PTPRN2: variants seen among roughly 807,000 people sequenced by gnomAD.
PTPRN2 encodes protein tyrosine phosphatase receptor type N2, also known as receptor-type tyrosine-protein phosphatase N2.
PTPRN2 carries 74 observed loss-of-function variants against 118.8 expected under a neutral mutation model. That is an observed-to-expected ratio of 0.62 (90% CI 0.52 to 0.76). The LOEUF (loss-of-function observed/expected upper bound fraction) is 0.76. PTPRN2 is among the 30% of genes least tolerant of loss of function. The pLI, the probability that PTPRN2 is intolerant of heterozygous loss-of-function variation, is 0.00. For synonymous variants in PTPRN2, 641 were observed against 608.0 expected, an observed-to-expected ratio of 1.05 and a Z score of -0.80; for missense variants, 1,481 against 1,394.4, an observed-to-expected ratio of 1.06 and a Z score of -0.99.
In PTPRN2 at chr7:157,603,657, C is replaced by T. The variant is rs546101461; in HGVS notation, c.2418+345G>A. On this transcript the variant is annotated intron_variant, in intron 16 of 22. Transcript: ENST00000389418. This position sits in a 1 kb window ranked among gnomAD's most constrained non-coding sequence, Gnocchi z 5.4. ...CATGTCCCCATGCCCCATGAATATA[C>T]AGGGAATGTGTAGCTCCAGGAAAGA... Among the ~76,000 whole-genome samples the T allele has an allele frequency of 6.6e-6, 1 of 152,322 alleles. No individual in the cohort carries two copies. The highest frequency in any genetic ancestry group is 1.9e-4 in the East Asian group (1 of 5,182).
chr7:158,068,794 T>C (rs1810983869), intron 11 of PTPRN2, among the ~76,000 whole-genome samples: 1 of 152,212 alleles, frequency 6.6e-6, no homozygotes, highest in African/African-American at 2.4e-5. Flanking sequence ...GAGGAAATTG[T>C]GTAATTACTT....
intron 21 of PTPRN2, among the ~76,000 whole-genome samples, chr7:157,564,557 A>G (rs192294147): frequency 8.4e-4 from 128 of 152,390 alleles, no homozygotes; most frequent in Non-Finnish European, 1.1e-3. Context: ...AGTATTCAGA[A>G]TATATAAAGA....
chr7:157,870,624 A>G (rs531579816), intron 12 of PTPRN2, among the ~76,000 whole-genome samples: 137 of 152,374 alleles, frequency 9.0e-4, no homozygotes, highest in Non-Finnish European at 1.4e-3. Flanking sequence ...TTTGGTGCAG[A>G]AAGATTTTTG....
At chr7:158,557,675 C>T (rs1563432601) in intron 1 of PTPRN2, among the ~76,000 whole-genome samples, 1 of 152,226 alleles carries the variant, frequency 6.6e-6, no homozygotes, top group African/African-American at 2.4e-5. Context: ...CCTTTAGAAC[C>T]CACTGAGATT....
At chr7:157,760,354 G>C (rs1480051772) in intron 12 of PTPRN2, among the ~76,000 whole-genome samples, 1 of 151,800 alleles carries the variant, frequency 6.6e-6, no homozygotes, top group Non-Finnish European at 1.5e-5. Flanking sequence ...GGGATGCAGG[G>C]TGCACGTTCT....
At chr7:157,558,809 T>G (rs1241490374) in intron 21 of PTPRN2, among the ~76,000 whole-genome samples, 2 of 152,174 alleles carry the variant, frequency 1.3e-5, no homozygotes, top group African/African-American at 2.4e-5. Context: ...GGCAGCTGCC[T>G]CGGTCCCTCT....
At chr7:158,408,125 C>G (rs1462591366) in intron 2 of PTPRN2, among the ~76,000 whole-genome samples, 1 of 152,222 alleles carries the variant, frequency 6.6e-6, no homozygotes, top group Non-Finnish European at 1.5e-5. Context: ...TTAAGTTACA[C>G]TGACATCTGG....
At position 157,683,841 on chromosome 7, in the gene PTPRN2, C is replaced by T. The variant is rs557381012; in HGVS notation, c.1789-904G>A. ...TGGGAAGGCCGCCCCGCAGACCGCG[C>T]GCCCTGCACAATGACTCGGGGAGTG... On this transcript the variant is annotated intron_variant, in intron 12 of 22. Transcript: ENST00000389418. 3.3e-5 allele frequency among the ~76,000 whole-genome samples: 5 copies of T among 152,306 alleles called. No homozygotes were observed. The East Asian group carries it at 9.7e-4, about 29-fold the overall frequency.
intron 14 of PTPRN2, among the ~76,000 whole-genome samples, chr7:157,654,816 G>A (rs1242164144): frequency 6.6e-6 from 1 of 152,230 alleles, no homozygotes; most frequent in Non-Finnish European, 1.5e-5. Context: ...CTTGAAATGT[G>A]GAAATATCAG....
At chr7:158,141,362 G>A (rs569130741) in intron 6 of PTPRN2, among the ~76,000 whole-genome samples, 20 of 152,310 alleles carry the variant, frequency 1.3e-4, no homozygotes, top group African/African-American at 2.6e-4. Flanking sequence ...CGCACGTCCC[G>A]TCCTCTCTCC....
intron 6 of PTPRN2, among the ~76,000 whole-genome samples, chr7:158,157,759 C>T (rs1187775208): frequency 2.0e-5 from 3 of 152,190 alleles, no homozygotes; most frequent in Non-Finnish European, 4.4e-5. Context: ...CCCCCCAGCA[C>T]CCCGGGTGCC....
At chr7:158,111,580 T>C (rs1001163472) in intron 9 of PTPRN2, among the ~76,000 whole-genome samples, 8 of 152,062 alleles carry the variant, frequency 5.3e-5, no homozygotes, top group African/African-American at 1.9e-4. Flanking sequence ...TTTAATGGAG[T>C]ATTAAGTTAC....
intron 3 of PTPRN2, among the ~76,000 whole-genome samples, chr7:158,243,142 C>G (rs1795992239): frequency 1.3e-5 from 2 of 152,202 alleles, no homozygotes; most frequent in African/African-American, 4.8e-5. Flanking sequence ...ACCCAGGAAG[C>G]TGGAGTGAGA....
chr7:158,304,733 A>T (rs865982949), intron 3 of PTPRN2, among the ~76,000 whole-genome samples: 1 of 152,040 alleles, frequency 6.6e-6, no homozygotes, highest in Non-Finnish European at 1.5e-5. Flanking sequence ...CTGGGTTAAG[A>T]TAAGGGACTG....
At position 158,316,770 on chromosome 7, in the gene PTPRN2, C is replaced by T. The variant is rs778974051; in HGVS notation, c.277+49G>A. 1.7e-5 allele frequency: 23 copies of T among 1,392,034 alleles called. 1 individual carries two copies. The highest frequency in any genetic ancestry group is 7.1e-5 in the East Asian group (3 of 42,516). 86.2% of individuals were successfully genotyped at this position (1,392,034 alleles called of 1,614,324 possible). A position where few individuals can be genotyped will look rare whatever the true frequency, so the allele number is the denominator to read the frequency against. ...CCCAGGAGGAGAAGCCAAGCCCGTG[C>T]GGTCGCTCAGTGCGGCAGCCGCCGA... On this transcript the variant is annotated intron_variant, in intron 3 of 22. Transcript: ENST00000389418.
At position 157,669,588 on chromosome 7, in the gene PTPRN2, C is replaced by T. The variant is rs574296714; in HGVS notation, c.2002-13037G>A. The T allele has an allele frequency of 5.6e-4, 271 of 482,550 alleles. 2 individuals carry two copies. The highest frequency in any genetic ancestry group is 4.0e-3 in the South Asian group (263 of 66,082). 29.9% of individuals were successfully genotyped at this position (482,550 alleles called of 1,614,324 possible). ...GGGGTTCCACGCACGGGCAAACAAGCCGAGTCAGCCCACGATGAGCGATGT... is the reference window on the plus strand; with the variant it reads ...GGGGTTCCACGCACGGGCAAACAAGTCGAGTCAGCCCACGATGAGCGATGT... On this transcript the variant is annotated intron_variant, in intron 13 of 22. Coordinates refer to ENST00000389418, the MANE Select transcript of PTPRN2 (RefSeq NM_002847.5).
chr7:157,644,049 C>G (rs1309314867), intron 14 of PTPRN2, among the ~76,000 whole-genome samples: 1 of 152,220 alleles, frequency 6.6e-6, no homozygotes, highest in East Asian at 1.9e-4. Flanking sequence ...GCGTCGGTCC[C>G]TGTTACGGGC....
intron 3 of PTPRN2, among the ~76,000 whole-genome samples, chr7:158,312,958 G>A (rs148560678): frequency 1.6e-4 from 24 of 151,666 alleles, no homozygotes; most frequent in East Asian, 1.2e-3. Context: ...GGGTGTGTGC[G>A]TGTGTGCATG....
chr7:157,810,606 A>G (rs1423468291), intron 12 of PTPRN2, among the ~76,000 whole-genome samples: 5 of 98,224 alleles, frequency 5.1e-5, no homozygotes, highest in Non-Finnish European at 7.6e-5. Context: ...GGACGGCGGG[A>G]CTGCTGGGGG....
Sources: gnomAD v4.1 joint callset for allele counts (sites outside exome capture counted in the v4.1 genomes callset) on GRCh38, gnomAD v4.1.1 for gene constraint, Gnocchi (gnomAD v3.1) non-coding constraint, MANE v1.5 for transcripts, NCBI Gene and HGNC (gene_info 2026-07-23, HGNC 2026-07-21) for gene names.